CADM1: variants seen among roughly 807,000 people sequenced by gnomAD.
CADM1 encodes cell adhesion molecule 1, also known as TSLC-1.
Under a neutral mutation model 53.1 loss-of-function variants are expected in CADM1, and 15 were observed. That is an observed-to-expected ratio of 0.28 (90% confidence interval 0.19 to 0.44). The LOEUF is 0.44. CADM1 is among the 20% of genes least tolerant of loss of function. The pLI, the probability that CADM1 is intolerant of heterozygous loss-of-function variation, is 1.00. For synonymous variants in CADM1, 281 were observed against 243.0 expected (o/e 1.16, Z -1.45); for missense variants, 434 against 611.3 (o/e 0.71, Z 3.06).
At chr11:115,338,515 T>C (rs1945326957) in intron 1 of CADM1, among the ~76,000 whole-genome samples, 2 of 152,178 alleles carry the variant, frequency 1.3e-5, no homozygotes, top group Admixed American at 1.3e-4. Context: ...TTGAATTTAC[T>C]GTCTTTTAAA....
chr11:115,178,965 C>T (rs548592754), intron 10 of CADM1, 190 bp from the exon 11 acceptor site: 23 of 649,716 alleles, frequency 3.5e-5, no homozygotes, highest in Middle Eastern at 8.1e-4. Context: ...ATCTGTTCTC[C>T]CCACGAGGCA....
chr11:115,287,752 T>G (rs1306188262), intron 1 of CADM1, among the ~76,000 whole-genome samples: 1 of 152,156 alleles, frequency 6.6e-6, no homozygotes, highest in Non-Finnish European at 1.5e-5. Flanking sequence ...AACCTAACCA[T>G]TTTTTTGGGA....
At chr11:115,266,449 G>A (rs147010938) in intron 1 of CADM1, among the ~76,000 whole-genome samples, 37 of 152,270 alleles carry the variant, frequency 2.4e-4, no homozygotes, top group Admixed American at 8.5e-4. Context: ...GAGCCCCGTG[G>A]GAGTGCTGGG....
chr11:115,192,761 G>T (rs572365144), intron 9 of CADM1, among the ~76,000 whole-genome samples: 1 of 152,176 alleles, frequency 6.6e-6, no homozygotes, highest in African/African-American at 2.4e-5. Context: ...AACCCAAAAA[G>T]ACAAATATGT....
At chr11:115,318,417 A>G (rs1944731863) in intron 1 of CADM1, among the ~76,000 whole-genome samples, 1 of 152,178 alleles carries the variant, frequency 6.6e-6, no homozygotes, top group South Asian at 2.1e-4. Flanking sequence ...TCAACTTGAA[A>G]ATTCGTAAAA....
At chr11:115,291,293 A>G (rs1258266986) in intron 1 of CADM1, among the ~76,000 whole-genome samples, 1 of 152,212 alleles carries the variant, frequency 6.6e-6, no homozygotes, top group African/African-American at 2.4e-5. Flanking sequence ...ATAAGATATA[A>G]TCACTGAATT....
Position 115,357,078 on chromosome 11 carries a change from A to G in CADM1, c.125-116658T>C, listed in dbSNP as rs577539946. Among the ~76,000 whole-genome samples the G allele has an allele frequency of 1.1e-3, 171 of 152,258 alleles. 1 individual carries two copies. The highest frequency in any genetic ancestry group is 2.1e-3 in the Non-Finnish European group (142 of 68,016). On this transcript the variant is annotated intron_variant, in intron 1 of 11. Coordinates refer to ENST00000331581, the MANE Select transcript of CADM1 (RefSeq NM_001301043.2). ...TAATACAACTGTGAAGAAAATTGAAATATATGCTCTCTTCATCCCCCTCCT... is the reference window on the plus strand; with the variant it reads ...TAATACAACTGTGAAGAAAATTGAAGTATATGCTCTCTTCATCCCCCTCCT...
rs531206033 is a variant in CADM1, at chr11:115,468,085, T to A, written c.124+36186A>T. On this transcript the variant is annotated intron_variant, in intron 1 of 11. Transcript: ENST00000331581. ...TGTAATAAAACAAAAGCATTCTGTA[T>A]CTGGTATCTACAAGAAAGATAAGTA... Among the ~76,000 whole-genome samples, 76 of 152,366 alleles carry A rather than the reference T, an allele frequency of 5.0e-4. 1 individual carries two copies. The Middle Eastern group carries it at 0.017, about 34-fold the overall frequency.
intron 1 of CADM1, among the ~76,000 whole-genome samples, chr11:115,425,656 T>G (rs1369003904): frequency 6.6e-6 from 1 of 152,238 alleles, no homozygotes. Flanking sequence ...GATTGTTGCT[T>G]CTGAGGGGAT....
rs146893493 is a variant in CADM1, at chr11:115,279,812, C to T, written c.125-39392G>A. Among the ~76,000 whole-genome samples, 21 of 152,230 alleles carry T rather than the reference C, an allele frequency of 1.4e-4. No homozygotes were observed. In the East Asian group the frequency reaches 2.9e-3, roughly 21 times the overall value. ...TAAGCGCAGATCTTGCCATGGGCAC[C>T]GCATTCAGTTTAATTAGAACAATAT... On this transcript the variant is annotated intron_variant, in intron 1 of 11. Transcript: ENST00000331581.
chr11:115,306,549 G>T (rs546896410), intron 1 of CADM1, among the ~76,000 whole-genome samples: 1 of 151,910 alleles, frequency 6.6e-6, no homozygotes, highest in African/African-American at 2.4e-5. Flanking sequence ...CATAGTCATT[G>T]GTACAGAACA....
At chr11:115,305,853 G>A (rs1259022321) in intron 1 of CADM1, among the ~76,000 whole-genome samples, 2 of 130,658 alleles carry the variant, frequency 1.5e-5, no homozygotes, top group Admixed American at 1.8e-4. Flanking sequence ...TTCTGCTACA[G>A]TGTAAAAAGA....
intron 2 of CADM1, among the ~76,000 whole-genome samples, 178 bp from the exon 3 acceptor site, chr11:115,238,830 A>G (rs960365393): frequency 2.6e-5 from 4 of 152,052 alleles, no homozygotes; most frequent in Admixed American, 2.6e-4. Flanking sequence ...ATATCAGTGT[A>G]TGTGTGAGTG....
intron 1 of CADM1, among the ~76,000 whole-genome samples, chr11:115,490,392 A>ATT (rs35633504): frequency 0.014 from 1,476 of 109,244 alleles, 66 homozygotes; most frequent in African/African-American, 0.041. Flanking sequence ...GGAAGAACAG[A>ATT]TTTTTTTTTT....
intron 1 of CADM1, among the ~76,000 whole-genome samples, chr11:115,257,376 T>C (rs753596314): frequency 2.4e-4 from 37 of 152,186 alleles, no homozygotes; most frequent in Non-Finnish European, 4.6e-4. Context: ...GGCCATTTCT[T>C]TGCAGAATCA....
intron 1 of CADM1, among the ~76,000 whole-genome samples, chr11:115,358,386 G>A (rs1405065371): frequency 6.6e-6 from 1 of 152,166 alleles, no homozygotes; most frequent in Non-Finnish European, 1.5e-5. Flanking sequence ...AAGGTGAAAG[G>A]CATGTTTTAC....
At chr11:115,397,845 T>A (rs369222834) in intron 1 of CADM1, among the ~76,000 whole-genome samples, 2 of 152,310 alleles carry the variant, frequency 1.3e-5, no homozygotes, top group African/African-American at 4.8e-5. Flanking sequence ...CAAAGATGGT[T>A]AAAACAATAC....
At chr11:115,295,530 AT>A (rs1365170546) in intron 1 of CADM1, among the ~76,000 whole-genome samples, 2,462 of 88,764 alleles carry the variant, frequency 0.028, 178 homozygotes, top group African/African-American at 0.15. Flanking sequence ...ATATATATAT[AT>A]ATATATATAT....
rs1941925895 is a variant in CADM1 at position 115,234,111 on chromosome 11, C to G, written c.425-2621G>C. ...ACTCAGATGGTTGTTTCCTGTGTTC[C>G]TGGATACCTTTCCTTTATTCTCTGA... On this transcript the variant is annotated intron_variant, in intron 3 of 11. Coordinates refer to ENST00000331581, the MANE Select transcript of CADM1 (RefSeq NM_001301043.2). 2.0e-5 allele frequency among the ~76,000 whole-genome samples: 3 copies of G among 152,188 alleles called. No individual in the cohort carries two copies. In the South Asian group the frequency reaches 6.2e-4, roughly 31 times the overall value.
Sources: gnomAD v4.1 joint callset for allele counts (sites outside exome capture counted in the v4.1 genomes callset) on GRCh38, gnomAD v4.1.1 for gene constraint, MANE v1.5 for transcripts, NCBI Gene and HGNC (gene_info 2026-07-23, HGNC 2026-07-21) for gene names.